Variants in FAM178B observed in about 807,000 individuals in gnomAD.
FAM178B encodes family with sequence similarity 178 member B.
A neutral mutation model predicts 91.7 loss-of-function variants in FAM178B; 82 were observed. That is an observed-to-expected ratio of 0.89 (90% CI 0.75 to 1.07). FAM178B has a LOEUF of 1.07. FAM178B is among the 50% of genes least tolerant of loss of function. FAM178B has a pLI of 0.00. For missense variants in FAM178B, 769 were observed against 846.7 expected (o/e 0.91, Z 1.14); for synonymous variants, 368 against 359.4 (o/e 1.02, Z -0.27).
At position 96,972,544 on chromosome 2, in the gene FAM178B, T is replaced by C; in HGVS notation, c.136A>G (p.Arg46Gly). The change falls in exon 2 of 17, where the codon AGA (arginine) becomes GGA (glycine). Residue 46 changes from arginine to glycine, a missense_variant. Coordinates refer to ENST00000490605, the MANE Select transcript of FAM178B (RefSeq NM_001122646.3). ...GCAGGTGAGAGACGCCTACCTTCTCTCAGAGGAAGGGCTAGCACCGTCTCC... is the reference window on the plus strand; with the variant it reads ...GCAGGTGAGAGACGCCTACCTTCTCCCAGAGGAAGGGCTAGCACCGTCTCC... The part of the protein sequence containing the change: ...PQETVLALPL[R>G]EGVQAAATVP... 3.2e-6 allele frequency: 5 copies of C among 1,551,626 alleles called. No individual in the cohort carries two copies. The highest frequency in any genetic ancestry group is 4.4e-6 in the Non-Finnish European group (5 of 1,146,950).
chr2:96,953,474 G>A (rs894641746), intron 6 of FAM178B, among the ~76,000 whole-genome samples: 5 of 152,208 alleles, frequency 3.3e-5, no homozygotes, highest in African/African-American at 4.8e-5. Flanking sequence ...ACAAGGCCCT[G>A]TTGGCTCAGA....
chr2:96,934,256 G>A (rs1200324630), intron 8 of FAM178B, among the ~76,000 whole-genome samples: 2 of 152,194 alleles, frequency 1.3e-5, no homozygotes, highest in African/African-American at 2.4e-5. Context: ...GGGGACGCTG[G>A]AGCACCCTGA....
At chr2:96,979,272 G>A (rs1211915034) in intron 1 of FAM178B, among the ~76,000 whole-genome samples, 1 of 130,558 alleles carries the variant, frequency 7.7e-6, no homozygotes, top group Non-Finnish European at 1.6e-5. Context: ...ACTGCGCCCA[G>A]GCATTTTTTT....
intron 14 of FAM178B, among the ~76,000 whole-genome samples, chr2:96,888,193 T>C (rs1202583189): frequency 6.6e-6 from 1 of 152,258 alleles, no homozygotes; most frequent in Non-Finnish European, 1.5e-5. Flanking sequence ...AGATGTCTGA[T>C]GTTCTGTACT....
intron 13 of FAM178B, chr2:96,895,264 G>A (rs1466213769): frequency 1.4e-5 from 6 of 433,048 alleles, no homozygotes; most frequent in African/African-American, 4.2e-5. Context: ...CAGAATCAAC[G>A]AGACTTCCTT....
chr2:96,976,159 A>G (rs1011474509), intron 1 of FAM178B, among the ~76,000 whole-genome samples: 1 of 151,792 alleles, frequency 6.6e-6, no homozygotes, highest in Non-Finnish European at 1.5e-5. Flanking sequence ...CAGTGGCACA[A>G]TCTTGGCTCA....
intron 8 of FAM178B, among the ~76,000 whole-genome samples, chr2:96,933,876 C>T (rs1390336817): frequency 2.6e-5 from 4 of 152,218 alleles, no homozygotes; most frequent in Admixed American, 6.5e-5. Flanking sequence ...CCACTGAGTC[C>T]GATCTTAACT....
intron 6 of FAM178B, among the ~76,000 whole-genome samples, chr2:96,953,077 T>C (rs2081952211): frequency 6.6e-6 from 1 of 152,216 alleles, no homozygotes; most frequent in South Asian, 2.1e-4. Context: ...GCATGTTTTT[T>C]CTCTAAGTCA....
intron 7 of FAM178B, among the ~76,000 whole-genome samples, chr2:96,948,594 A>G (rs995771244): frequency 1.3e-5 from 2 of 152,242 alleles, no homozygotes; most frequent in Non-Finnish European, 2.9e-5. Context: ...CAAGTTCACG[A>G]CAGTGGCAGC....
chr2:96,878,102 C>T (rs544249305), intron 15 of FAM178B, 60 bp from the exon 16 acceptor site: 47 of 1,574,502 alleles, frequency 3.0e-5, no homozygotes, highest in African/African-American at 2.4e-4. Context: ...CATCCAAAGC[C>T]GGGCAGGAGG....
intron 5 of FAM178B, among the ~76,000 whole-genome samples, chr2:96,964,328 T>C (rs1418323321): frequency 6.6e-6 from 1 of 152,158 alleles, no homozygotes; most frequent in African/African-American, 2.4e-5. Context: ...AGGAACTCTG[T>C]GTGTTATCAC....
chr2:96,941,476 G>C (rs1408845774), intron 8 of FAM178B, among the ~76,000 whole-genome samples: 2 of 152,174 alleles, frequency 1.3e-5, no homozygotes, highest in African/African-American at 4.8e-5. Flanking sequence ...CACAAAATGA[G>C]GCCTGTACGG....
At chr2:96,894,106 G>T (rs972863943) in intron 13 of FAM178B, 55 bp from the exon 14 acceptor site, 24 of 1,551,682 alleles carry the variant, frequency 1.5e-5, no homozygotes, top group Non-Finnish European at 2.1e-5. Flanking sequence ...AAGAGCTCAG[G>T]GTGCTCCCGG....
At chr2:96,876,378 G>T in intron 16 of FAM178B, 70 bp from the exon 17 acceptor site, 1 of 1,548,476 alleles carries the variant, frequency 6.5e-7, no homozygotes. Context: ...GCAGCTCCCC[G>T]GGCTGGCGGT....
At position 96,975,916 on chromosome 2, in the gene FAM178B, T is replaced by C. The variant is rs1471652430; in HGVS notation, c.74-3310A>G. Among the ~76,000 whole-genome samples, 4 of 151,310 alleles carry C rather than the reference T, an allele frequency of 2.6e-5. No homozygotes were observed. The East Asian group carries it at 5.9e-4, about 22-fold the overall frequency. The stretch of plus-strand genomic sequence containing the variant: ...GCATGAACCACCGCGCCCGATCTAA[T>C]ATACTACTTTCAATAATAAAACAAC... On this transcript the variant is annotated intron_variant, in intron 1 of 16. Coordinates refer to ENST00000490605, the MANE Select transcript of FAM178B (RefSeq NM_001122646.3).
rs944951782 is a variant in FAM178B at position 96,921,495 on chromosome 2, G to A, written c.1447C>T (p.Arg483Trp). The A allele has an allele frequency of 1.0e-5, 16 of 1,551,536 alleles. No individual in the cohort carries two copies. The highest frequency in any genetic ancestry group is 8.2e-5 in the African/African-American group (6 of 73,040). ...QLLLLLLENI[R>W]EWPGKLQELC... Reference sequence around the variant, plus strand: ...TCTAGTACCTTCCCTGGCCACTCCCGGATGTTCTCCAGGAGCAAGAGGAGA... The same window carrying A: ...TCTAGTACCTTCCCTGGCCACTCCCAGATGTTCTCCAGGAGCAAGAGGAGA... The change falls in exon 11 of 17, where the codon CGG becomes TGG. Residue 483 changes from arginine (R) to tryptophan (W), a missense_variant. Transcript: ENST00000490605.
At chr2:96,974,114 G>T (rs1443830783) in intron 1 of FAM178B, among the ~76,000 whole-genome samples, 1 of 151,980 alleles carries the variant, frequency 6.6e-6, no homozygotes, top group Non-Finnish European at 1.5e-5. Flanking sequence ...TGGGCGCAGT[G>T]GCTCACGCCT....
At chr2:96,908,644 T>TG (rs1202837451) in intron 12 of FAM178B, among the ~76,000 whole-genome samples, 2 of 152,208 alleles carry the variant, frequency 1.3e-5, no homozygotes, top group African/African-American at 4.8e-5. Flanking sequence ...ATGGGGCTTC[T>TG]GGGGAGCGGC....
In FAM178B at chr2:96,921,666, A is replaced by T; in HGVS notation, c.1288-12T>A. On this transcript the variant is annotated splice_polypyrimidine_tract_variant and intron_variant, in intron 10 of 16. Coordinates refer to ENST00000490605, the MANE Select transcript of FAM178B (RefSeq NM_001122646.3). ...CACAGCGCCAGAAACTGGAGAGAGA[A>T]AAGAGGGCAGGGGTGGCCAGGGCAT... is the stretch of plus-strand genomic sequence containing the variant. The T allele has an allele frequency of 1.3e-6, 2 of 1,550,816 alleles. No individual in the cohort carries two copies. The highest frequency in any genetic ancestry group is 1.7e-6 in the Non-Finnish European group (2 of 1,146,888).
Sources: gnomAD v4.1 joint callset for allele counts (sites outside exome capture counted in the v4.1 genomes callset) on GRCh38, gnomAD v4.1.1 for gene constraint, MANE v1.5 for transcripts, NCBI Gene and HGNC (gene_info 2026-07-23, HGNC 2026-07-21) for gene names.